LPP: variants seen among roughly 807,000 people sequenced by gnomAD.
LPP encodes LIM domain containing preferred translocation partner in lipoma.
A neutral mutation model predicts 60.4 loss-of-function variants in LPP; 38 were observed. The ratio of observed to expected loss-of-function variants is 0.63; its 90% CI spans 0.49 to 0.83. The LOEUF (loss-of-function observed/expected upper bound fraction) is 0.83. Ranked by LOEUF, LPP falls within the 40% of genes least tolerant of loss-of-function variation. The pLI, the probability that LPP is intolerant of heterozygous loss-of-function variation, is 0.00. For missense variants in LPP, 902 were observed against 783.6 expected, an observed-to-expected ratio of 1.15 and a Z score of -1.80; for synonymous variants, 328 against 290.8, an observed-to-expected ratio of 1.13 and a Z score of -1.30.
chr3:188,716,527 C>A (rs777110515), intron 8 of LPP, among the ~76,000 whole-genome samples: 1 of 152,130 alleles, frequency 6.6e-6, no homozygotes, highest in African/African-American at 2.4e-5. Flanking sequence ...AAATTAGAAA[C>A]CATGATTTGA....
At chr3:188,472,897 A>C (rs569110514) in intron 4 of LPP, 1 of 152,066 alleles carries the variant, frequency 6.6e-6, no homozygotes, top group Non-Finnish European at 1.5e-5. Flanking sequence ...GGGTTTTCTC[A>C]CCATTCCCAA....
At chr3:188,523,075 T>C (rs1441012121) in intron 5 of LPP, among the ~76,000 whole-genome samples, 1 of 151,794 alleles carries the variant, frequency 6.6e-6, no homozygotes, top group Non-Finnish European at 1.5e-5. Flanking sequence ...ACCCAGCTAA[T>C]TTTTGTATTT....
At chr3:188,266,412 G>A (rs561032559) in intron 2 of LPP, among the ~76,000 whole-genome samples, 3 of 152,144 alleles carry the variant, frequency 2.0e-5, no homozygotes, top group African/African-American at 7.2e-5. Context: ...GGAGACTGTC[G>A]CTTCCCTTGG....
intron 3 of LPP, among the ~76,000 whole-genome samples, chr3:188,380,272 C>T (rs1283867691): frequency 3.3e-5 from 5 of 152,314 alleles, no homozygotes; most frequent in South Asian, 2.1e-4. Flanking sequence ...AAATTAAACT[C>T]GATAGATTAT....
chr3:188,504,163 A>G (rs1812776006), intron 5 of LPP, among the ~76,000 whole-genome samples: 1 of 152,010 alleles, frequency 6.6e-6, no homozygotes, highest in Admixed American at 6.5e-5. Context: ...TAGACTAATT[A>G]ATTTACTTTG....
intron 4 of LPP, among the ~76,000 whole-genome samples, chr3:188,428,416 A>C (rs569515451): frequency 7.2e-5 from 11 of 151,950 alleles, no homozygotes; most frequent in Non-Finnish European, 1.6e-4. Context: ...GGAATCTACA[A>C]ATGTTCCGGA....
At chr3:188,312,568 C>T (rs916320407) in intron 2 of LPP, among the ~76,000 whole-genome samples, 51 of 152,060 alleles carry the variant, frequency 3.4e-4, no homozygotes, top group Non-Finnish European at 8.8e-5. Flanking sequence ...TCCAATTTTT[C>T]TTCTAGTTAT....
intron 5 of LPP, among the ~76,000 whole-genome samples, chr3:188,485,193 G>C (rs1464426225): frequency 6.6e-6 from 1 of 151,982 alleles, no homozygotes; most frequent in Non-Finnish European, 1.5e-5. Context: ...TTCTCTTCTG[G>C]GTAAGTTCAA....
chr3:188,853,331 A>G (rs1010094105), intron 9 of LPP, among the ~76,000 whole-genome samples: 1 of 152,244 alleles, frequency 6.6e-6, no homozygotes, highest in African/African-American at 2.4e-5. Flanking sequence ...TTGCCATAGC[A>G]TATGAACAGA....
intron 2 of LPP, among the ~76,000 whole-genome samples, chr3:188,340,397 T>G (rs774713740): frequency 1.5e-5 from 1 of 65,940 alleles, no homozygotes; most frequent in Non-Finnish European, 2.8e-5. Context: ...AATCATGCTC[T>G]TTTTTTTTTT....
At chr3:188,611,634 G>A (rs1424615985) in intron 7 of LPP, among the ~76,000 whole-genome samples, 2 of 152,224 alleles carry the variant, frequency 1.3e-5, no homozygotes, top group African/African-American at 4.8e-5. Flanking sequence ...TGACTGAAAG[G>A]ATGGCTGAGT....
chr3:188,299,025 C>T (rs1235592447), intron 2 of LPP, among the ~76,000 whole-genome samples: 1 of 152,194 alleles, frequency 6.6e-6, no homozygotes, highest in East Asian at 1.9e-4. Context: ...CACTCTCTCT[C>T]TAACTTATGT....
At chr3:188,637,600 A>T (rs559994952) in intron 7 of LPP, among the ~76,000 whole-genome samples, 10 of 151,830 alleles carry the variant, frequency 6.6e-5, no homozygotes, top group African/African-American at 2.4e-4. Flanking sequence ...GGATCAACAA[A>T]ATTGATAGAC....
chr3:188,763,658 A>T (rs1199320931), intron 9 of LPP, among the ~76,000 whole-genome samples: 2 of 151,528 alleles, frequency 1.3e-5, no homozygotes, highest in Non-Finnish European at 3.0e-5. Context: ...ATAGTTTTGC[A>T]TTGTTAGTAT....
chr3:188,868,124 A>C (rs186879013), intron 10 of LPP, among the ~76,000 whole-genome samples: 52 of 152,306 alleles, frequency 3.4e-4, no homozygotes, highest in African/African-American at 1.2e-3. Context: ...ACACATTGAA[A>C]AATCCCTGCG....
chr3:188,543,407 G>A (rs1360625305), intron 6 of LPP, among the ~76,000 whole-genome samples: 1 of 152,120 alleles, frequency 6.6e-6, no homozygotes, highest in Admixed American at 6.5e-5. Flanking sequence ...ATATAGCTTA[G>A]CTGGACCACC....
chr3:188,875,453 A>T lies in LPP; in HGVS notation c.*974A>T, dbSNP rs1769141592. On this transcript the variant is annotated 3_prime_UTR_variant, in exon 12 of 12. Coordinates refer to ENST00000617246, the MANE Select transcript of LPP (RefSeq NM_001375462.1). ...TCTCTAGAGGATGAAGGCTGTGAAA[A>T]AACCGTTCAAATTCTCTTCTTTTTC... 2 of 216,046 alleles carry T rather than the reference A, an allele frequency of 9.3e-6. No individual in the cohort carries two copies. Among genetic ancestry groups the T allele is most frequent in the South Asian group, 3.7e-4 (2 of 5,412 alleles). 13.4% of individuals were successfully genotyped at this position (216,046 alleles called of 1,614,324 possible). A position where few individuals can be genotyped will look rare whatever the true frequency, so the allele number is the denominator to read the frequency against.
intron 4 of LPP, among the ~76,000 whole-genome samples, chr3:188,483,475 T>C (rs547227803): frequency 9.2e-5 from 14 of 152,200 alleles, no homozygotes; most frequent in African/African-American, 2.9e-4. Flanking sequence ...ATAGAAAAGA[T>C]CTCTTCTCCA....
intron 8 of LPP, chr3:188,711,777 A>G (rs1297547398): frequency 2.0e-5 from 3 of 152,192 alleles, no homozygotes; most frequent in African/African-American, 7.2e-5. Flanking sequence ...GCAGAAAGTG[A>G]CAAGTGACTT....
Sources: gnomAD v4.1 joint callset for allele counts (sites outside exome capture counted in the v4.1 genomes callset) on GRCh38, gnomAD v4.1.1 for gene constraint, MANE v1.5 for transcripts, NCBI Gene and HGNC (gene_info 2026-07-23, HGNC 2026-07-21) for gene names.